CDH12: variants seen among roughly 807,000 people sequenced by gnomAD.
CDH12 encodes cadherin 12, also known as cadherin-12.
CDH12 carries 41 observed loss-of-function variants against 74.1 expected under a neutral mutation model. The ratio of observed to expected loss-of-function variants is 0.55; its 90% CI spans 0.43 to 0.72. The LOEUF is 0.72. CDH12 is among the 30% of genes least tolerant of loss of function. CDH12 has a pLI of 0.00. For missense variants in CDH12, 945 were observed against 977.2 expected (o/e 0.97, Z 0.44); for synonymous variants, 399 against 355.0 (o/e 1.12, Z -1.39).
At chr5:22,584,563 A>G (rs1740277487) in intron 1 of CDH12, among the ~76,000 whole-genome samples, 1 of 152,172 alleles carries the variant, frequency 6.6e-6, no homozygotes, top group Non-Finnish European at 1.5e-5. Flanking sequence ...GTGTGTTACA[A>G]ACAATGCTGC....
At chr5:22,402,031 C>T (rs539125390) in intron 3 of CDH12, among the ~76,000 whole-genome samples, 1 of 152,318 alleles carries the variant, frequency 6.6e-6, no homozygotes, top group East Asian at 1.9e-4. Context: ...AACTTTGAGA[C>T]AATACATTTT....
At chr5:22,360,690 T>G (rs937598491) in intron 3 of CDH12, among the ~76,000 whole-genome samples, 2 of 152,130 alleles carry the variant, frequency 1.3e-5, no homozygotes, top group African/African-American at 4.8e-5. Flanking sequence ...AATAAAATAC[T>G]GGCAAACTGA....
chr5:22,678,094 A>G (rs1201525543), intron 1 of CDH12, among the ~76,000 whole-genome samples: 1 of 152,022 alleles, frequency 6.6e-6, no homozygotes, highest in African/African-American at 2.4e-5. Context: ...AGATGCAAAA[A>G]TAATCTATAA....
intron 3 of CDH12, among the ~76,000 whole-genome samples, chr5:22,372,896 A>G (rs747480599): frequency 2.0e-5 from 3 of 152,126 alleles, no homozygotes; most frequent in Non-Finnish European, 2.9e-5. Flanking sequence ...TTCCACTTCC[A>G]TGGGCTGCTG....
At chr5:22,304,604 T>C (rs1738025884) in intron 3 of CDH12, among the ~76,000 whole-genome samples, 1 of 152,204 alleles carries the variant, frequency 6.6e-6, no homozygotes, top group African/African-American at 2.4e-5. Context: ...AAACAAACTT[T>C]CTTGTATCTT....
At chr5:21,933,817 G>A (rs910526647) in intron 6 of CDH12, among the ~76,000 whole-genome samples, 3 of 152,102 alleles carry the variant, frequency 2.0e-5, no homozygotes, top group African/African-American at 4.8e-5. Flanking sequence ...GAGGAGAAGC[G>A]GTAAGGCAGG....
In CDH12 at chr5:21,854,729, G is replaced by A. The variant is rs757567306; in HGVS notation, c.588C>T (p.Ala196=). 1.9e-5 allele frequency: 31 copies of A among 1,608,502 alleles called. 1 individual carries two copies. The South Asian group carries it at 3.3e-4, about 17-fold the overall frequency. Residue 196 remains alanine, a synonymous_variant, in exon 7 of 15, where the codon GCC becomes GCT. Coordinates refer to ENST00000382254, the MANE Select transcript of CDH12 (RefSeq NM_004061.5). ...CCTGAAGAATGCTGTAAACGACTCT[G>A]GCACTGTTTCCATAGGTCGGGTCAT... ...DADDPTYGNS[A]RVVYSILQGQ...
At position 22,434,565 on chromosome 5, in the gene CDH12, G is replaced by A. The variant is rs1015568698; in HGVS notation, c.-427-29214C>T. On this transcript the variant is annotated intron_variant, in intron 2 of 14. Transcript: ENST00000382254. Reference sequence around the variant, plus strand: ...CCTCTATTTTTTCCCAGTTAAATAGGATAATCACCAACCGAATCCATCCTA... The same window carrying A: ...CCTCTATTTTTTCCCAGTTAAATAGAATAATCACCAACCGAATCCATCCTA... Among the ~76,000 whole-genome samples, 3 of 151,978 alleles carry A rather than the reference G, an allele frequency of 2.0e-5. No homozygotes were observed. In the East Asian group the frequency reaches 5.8e-4, roughly 29 times the overall value.
chr5:22,228,956 C>T (rs534581914), intron 3 of CDH12, among the ~76,000 whole-genome samples: 1 of 152,130 alleles, frequency 6.6e-6, no homozygotes, highest in Admixed American at 6.6e-5. Context: ...TCTTACATCT[C>T]CTCGGAAGGT....
rs191953986 is a variant in CDH12 at position 22,343,540 on chromosome 5, C to A, written c.-333+61717G>T. 1.7e-3 allele frequency among the ~76,000 whole-genome samples: 263 copies of A among 152,258 alleles called. 8 individuals carry two copies. Among genetic ancestry groups the A allele is most frequent in the Non-Finnish European group, 3.7e-4 (25 of 68,024 alleles). ...TCATGCCATTCTCCTGCCTCAGCCT[C>A]CCGAGTAGCTGGGACTACAGGCTCC... On this transcript the variant is annotated intron_variant, in intron 3 of 14. Transcript: ENST00000382254.
intron 6 of CDH12, among the ~76,000 whole-genome samples, chr5:21,955,870 G>A (rs1037115430): frequency 3.3e-5 from 5 of 152,066 alleles, no homozygotes; most frequent in African/African-American, 4.8e-5. Context: ...GTATTAGGGA[G>A]AAGCAAATCT....
chr5:22,500,907 C>T (rs1747304036), intron 2 of CDH12, among the ~76,000 whole-genome samples: 1 of 151,938 alleles, frequency 6.6e-6, no homozygotes, highest in South Asian at 2.1e-4. Flanking sequence ...CTCTTCATCA[C>T]TCCTGCAGTA....
At chr5:21,869,964 G>A (rs149278054) in intron 6 of CDH12, among the ~76,000 whole-genome samples, 28 of 152,262 alleles carry the variant, frequency 1.8e-4, no homozygotes, top group African/African-American at 6.3e-4. Flanking sequence ...GGACCTGGTG[G>A]AAGAAAACTG....
chr5:22,149,968 TG>T (rs1458412976), intron 4 of CDH12, among the ~76,000 whole-genome samples: 1 of 152,166 alleles, frequency 6.6e-6, no homozygotes, highest in African/African-American at 2.4e-5. Flanking sequence ...CACTCCAGCC[TG>T]GGTGACAGAG....
intron 1 of CDH12, among the ~76,000 whole-genome samples, chr5:22,723,130 G>T (rs570336693): frequency 1.3e-5 from 2 of 152,190 alleles, no homozygotes; most frequent in East Asian, 3.9e-4. Flanking sequence ...AGGGTTATAA[G>T]GCTTTCATTT....
chr5:21,890,720 C>G (rs1476713652), intron 6 of CDH12, among the ~76,000 whole-genome samples: 1 of 152,030 alleles, frequency 6.6e-6, no homozygotes, highest in African/African-American at 2.4e-5. Context: ...ATATAAAGGA[C>G]AAACATGTTA....
intron 4 of CDH12, among the ~76,000 whole-genome samples, chr5:22,131,982 T>C (rs529564299): frequency 2.0e-5 from 3 of 152,118 alleles, no homozygotes; most frequent in Non-Finnish European, 4.4e-5. Flanking sequence ...AAGTTCTTCC[T>C]TATAAGAATT....
chr5:22,006,117 T>C (rs955233784), intron 5 of CDH12, among the ~76,000 whole-genome samples: 23 of 152,322 alleles, frequency 1.5e-4, no homozygotes, highest in African/African-American at 5.3e-4. Context: ...TTCCTGTGCA[T>C]GGTTATACTT....
chr5:21,845,986 G>A (rs372301101), intron 7 of CDH12, among the ~76,000 whole-genome samples: 1 of 152,106 alleles, frequency 6.6e-6, no homozygotes, highest in Non-Finnish European at 1.5e-5. Flanking sequence ...AGAGAAAAGG[G>A]CTACCTAGGA....
Sources: gnomAD v4.1 joint callset for allele counts (sites outside exome capture counted in the v4.1 genomes callset) on GRCh38, gnomAD v4.1.1 for gene constraint, MANE v1.5 for transcripts, NCBI Gene and HGNC (gene_info 2026-07-23, HGNC 2026-07-21) for gene names.